Variants in NELL1 observed in about 807,000 individuals in gnomAD.
NELL1 encodes neural EGFL like 1.
A neutral mutation model predicts 107.4 loss-of-function variants in NELL1; 76 were observed. The ratio of observed to expected loss-of-function variants is 0.71; its 90% CI spans 0.59 to 0.86. The LOEUF is 0.86. Ranked by LOEUF, NELL1 falls within the 40% of genes least tolerant of loss-of-function variation. The probability of loss-of-function intolerance (pLI) is 0.00; values close to 1 mark genes in which losing one functional copy is unlikely to be tolerated. For missense variants in NELL1, 1,024 were observed against 1,005.5 expected, an observed-to-expected ratio of 1.02 and a Z score of -0.25; for synonymous variants, 353 against 341.2, an observed-to-expected ratio of 1.03 and a Z score of -0.38.
At chr11:21,337,424 G>A (rs1850429653) in intron 14 of NELL1, among the ~76,000 whole-genome samples, 1 of 152,124 alleles carries the variant, frequency 6.6e-6, no homozygotes, top group Non-Finnish European at 1.5e-5. Context: ...AATCTGATAT[G>A]CTTTGGATCT....
intron 15 of NELL1, among the ~76,000 whole-genome samples, chr11:21,523,710 C>T (rs1365750944): frequency 1.3e-5 from 2 of 152,112 alleles, no homozygotes; most frequent in East Asian, 3.9e-4. Context: ...TTTGTATCCT[C>T]AAACCAGGTA....
chr11:20,700,375 A>G (rs2133879708), intron 2 of NELL1, among the ~76,000 whole-genome samples: 1 of 152,230 alleles, frequency 6.6e-6, no homozygotes, highest in South Asian at 2.1e-4. Context: ...GCTACTCGGG[A>G]GGCTGAGGCA....
intron 2 of NELL1, among the ~76,000 whole-genome samples, chr11:20,685,613 T>G (rs2133859144): frequency 6.6e-6 from 1 of 152,256 alleles, no homozygotes; most frequent in East Asian, 1.9e-4. Flanking sequence ...CTACTATATA[T>G]GGTTGTAGTG....
chr11:20,699,344 T>C (rs906788930), intron 2 of NELL1, among the ~76,000 whole-genome samples: 1 of 152,098 alleles, frequency 6.6e-6, no homozygotes, highest in African/African-American at 2.4e-5. Flanking sequence ...TATATATGTA[T>C]ACACCACATT....
intron 3 of NELL1, among the ~76,000 whole-genome samples, chr11:20,812,920 A>G (rs1484430893): frequency 7.0e-6 from 1 of 143,076 alleles, no homozygotes; most frequent in Non-Finnish European, 1.5e-5. Flanking sequence ...AGGCAGGAGA[A>G]TGGCGTGAAC....
At chr11:21,176,893 T>C (rs1258143313) in intron 13 of NELL1, among the ~76,000 whole-genome samples, 1 of 151,826 alleles carries the variant, frequency 6.6e-6, no homozygotes, top group Non-Finnish European at 1.5e-5. Flanking sequence ...TAAGGGATGT[T>C]AATGCACTCC....
intron 15 of NELL1, among the ~76,000 whole-genome samples, chr11:21,467,709 A>ATT (rs767341655): frequency 1.3e-5 from 2 of 152,038 alleles, no homozygotes; most frequent in Non-Finnish European, 2.9e-5. Context: ...GGAAGTTTAT[A>ATT]TTAAAATGTT....
At chr11:21,254,328 GCCATTT>G (rs993978112) in intron 14 of NELL1, among the ~76,000 whole-genome samples, 17 of 152,110 alleles carry the variant, frequency 1.1e-4, no homozygotes, top group Admixed American at 1.1e-3. Context: ...ATAGAAAAAA[GCCATTT>G]CCTCTCTACC....
At chr11:20,743,100 C>G (rs58911299) in intron 2 of NELL1, among the ~76,000 whole-genome samples, 1,918 of 152,176 alleles carry the variant, frequency 0.013, 36 homozygotes, top group African/African-American at 0.044. Context: ...CACCTGTAAT[C>G]CCAGCACTTT....
At chr11:20,908,134 G>T (rs1404571540) in intron 5 of NELL1, among the ~76,000 whole-genome samples, 1 of 152,138 alleles carries the variant, frequency 6.6e-6, no homozygotes, top group East Asian at 1.9e-4. Flanking sequence ...CATTGTGGAA[G>T]ACAGTATGGC....
At chr11:21,451,006 C>T (rs1279424868) in intron 15 of NELL1, among the ~76,000 whole-genome samples, 4 of 151,322 alleles carry the variant, frequency 2.6e-5, no homozygotes, top group Admixed American at 6.6e-5. Flanking sequence ...CTGGCTAACA[C>T]GGTGAAACCC....
chr11:21,093,116 T>C (rs1157130045), intron 12 of NELL1, among the ~76,000 whole-genome samples: 2 of 152,114 alleles, frequency 1.3e-5, no homozygotes, highest in Middle Eastern at 3.2e-3. Context: ...TATTGATTTC[T>C]TTGGTGTAAA....
At chr11:21,174,901 G>A (rs1305487225) in intron 13 of NELL1, among the ~76,000 whole-genome samples, 1 of 151,576 alleles carries the variant, frequency 6.6e-6, no homozygotes, top group African/African-American at 2.4e-5. Flanking sequence ...GGATAACCTT[G>A]AGTTCATTCT....
chr11:20,932,560 G>A (rs571559427), intron 9 of NELL1, among the ~76,000 whole-genome samples: 1 of 152,200 alleles, frequency 6.6e-6, no homozygotes, highest in African/African-American at 2.4e-5. Flanking sequence ...CAGTGGACAC[G>A]TATGGATCAT....
chr11:20,751,616 A>G (rs1298361346), intron 2 of NELL1, among the ~76,000 whole-genome samples: 4 of 151,352 alleles, frequency 2.6e-5, no homozygotes, highest in African/African-American at 9.7e-5. Context: ...AGCTGGGACT[A>G]CAGACACATG....
At chr11:20,990,874 G>T (rs1436282788) in intron 12 of NELL1, among the ~76,000 whole-genome samples, 1 of 152,102 alleles carries the variant, frequency 6.6e-6, no homozygotes, top group Non-Finnish European at 1.5e-5. Flanking sequence ...GAGAAGTCCT[G>T]CTCAACATCC....
chr11:21,520,507 T>C (rs781637074), intron 15 of NELL1, among the ~76,000 whole-genome samples: 5 of 152,108 alleles, frequency 3.3e-5, no homozygotes, highest in Non-Finnish European at 7.4e-5. Context: ...TTCTGGCCTA[T>C]AGGGGTGGTA....
chr11:20,978,525 T>C (rs1851686760), intron 12 of NELL1, among the ~76,000 whole-genome samples: 1 of 152,164 alleles, frequency 6.6e-6, no homozygotes, highest in Non-Finnish European at 1.5e-5. Flanking sequence ...TTATGGGTCC[T>C]GAGGGAACAT....
chr11:21,242,592 C>T (rs1298980293), intron 14 of NELL1, among the ~76,000 whole-genome samples: 1 of 152,042 alleles, frequency 6.6e-6, no homozygotes, highest in African/African-American at 2.4e-5. Context: ...AGAAAATAAA[C>T]CTCATGTATT....
Sources: gnomAD v4.1 joint callset for allele counts (sites outside exome capture counted in the v4.1 genomes callset) on GRCh38, gnomAD v4.1.1 for gene constraint, MANE v1.5 for transcripts, NCBI Gene and HGNC (gene_info 2026-07-23, HGNC 2026-07-21) for gene names.